The following XKR7 variants were observed in gnomAD, a reference collection of about 807,000 sequenced individuals.
XKR7 encodes XK related 7, also known as XK-related protein 7.
A neutral mutation model predicts 42.2 loss-of-function variants in XKR7; 11 were observed. The ratio of observed to expected loss-of-function variants is 0.26; its 90% CI spans 0.16 to 0.43. The LOEUF is 0.43. Among genes scored for constraint, XKR7 ranks in the 20% least tolerant of loss-of-function variants. The pLI, the probability that XKR7 is intolerant of heterozygous loss-of-function variation, is 1.00. For synonymous variants in XKR7, 346 were observed against 366.4 expected, an observed-to-expected ratio of 0.94 and a Z score of 0.64; for missense variants, 710 against 802.2, an observed-to-expected ratio of 0.89 and a Z score of 1.39.
chr20:31,996,086 T>G (rs1474890298), intron 2 of XKR7, among the ~76,000 whole-genome samples: 1 of 151,728 alleles, frequency 6.6e-6, no homozygotes, highest in African/African-American at 2.4e-5. Context: ...CTCCTCCTGG[T>G]GGCCCACGAC....
At position 31,995,039 on chromosome 20, in the gene XKR7, G is replaced by A. The variant is rs913564824; in HGVS notation, c.585-29G>A. 1.3e-6 allele frequency: 2 copies of A among 1,539,608 alleles called. No individual in the cohort carries two copies. Among genetic ancestry groups the A allele is most frequent in the Non-Finnish European group, 8.7e-7 (1 of 1,145,188 alleles). On this transcript the variant is annotated intron_variant, in intron 1 of 2. Coordinates refer to ENST00000562532, the MANE Select transcript of XKR7 (RefSeq NM_001011718.2). The surrounding 1 kb of genome is among the most constrained non-coding windows in gnomAD (Gnocchi z 4.1). ...ACAGAGCGAGAGGAACCAGCGCGCG[G>A]GAGCCTGAGCACCGCGTCCTTCCCG...
At chr20:31,992,647 A>G (rs973068708) in intron 1 of XKR7, among the ~76,000 whole-genome samples, 30 of 152,204 alleles carry the variant, frequency 2.0e-4, no homozygotes, top group Non-Finnish European at 5.9e-5. Context: ...CCTGGCTGCC[A>G]ATCCTGTCAT....
rs144007726 is a variant in XKR7 at position 31,993,111 on chromosome 20, C to CACACACACACAT, written c.585-1952_585-1951insCACACATACACA. Among the ~76,000 whole-genome samples, 135 of 150,686 alleles carry CACACACACACAT rather than the reference C, an allele frequency of 9.0e-4. 1 individual carries two copies. Among genetic ancestry groups the CACACACACACAT allele is most frequent in the Middle Eastern group, 3.4e-3 (1 of 294 alleles). On this transcript the variant is annotated intron_variant, in intron 1 of 2. Transcript: ENST00000562532. ...CTCCACACACACACACACACACACA[C>CACACACACACAT]ACACATACACATACACACACACACC...
At chr20:31,984,662 AAC>A (rs1369682425) in intron 1 of XKR7, among the ~76,000 whole-genome samples, 1 of 152,158 alleles carries the variant, frequency 6.6e-6, no homozygotes, top group African/African-American at 2.4e-5. Flanking sequence ...GTTTTCTCTA[AAC>A]CCATATAATC....
At chr20:31,994,954 C>G (rs62206338) in intron 1 of XKR7, 114 bp from the exon 2 acceptor site, 289,372 of 1,477,580 alleles carry the variant, frequency 0.2, 29,310 homozygotes, top group Middle Eastern at 0.32. Context: ...GCTGAGGAAA[C>G]AGGCTCAGCG....
chr20:31,994,028 G>C (rs374198738), intron 1 of XKR7, among the ~76,000 whole-genome samples: 1 of 152,186 alleles, frequency 6.6e-6, no homozygotes, highest in South Asian at 2.1e-4. Flanking sequence ...AGAAGAGCCG[G>C]AGTTTGTTGG....
In XKR7 at chr20:31,998,621, C is replaced by T. The variant is rs1295095315; in HGVS notation, c.*1164C>T. On this transcript the variant is annotated 3_prime_UTR_variant, in exon 3 of 3. Transcript: ENST00000562532. ...GTGCTCTCATTCTAGACTTCTGGGG[C>T]TCATGGGAGCTCTAGGCCCCTGTTA... 1 of 152,120 alleles carries T rather than the reference C, an allele frequency of 6.6e-6. No homozygotes were observed. The highest frequency in any genetic ancestry group is 1.5e-5 in the Non-Finnish European group (1 of 68,018). The allele number at this position is 152,120 out of a possible 1,614,324, so 9.4% of individuals were successfully genotyped here.
intron 1 of XKR7, among the ~76,000 whole-genome samples, chr20:31,977,716 G>A (rs2064492015): frequency 6.6e-6 from 1 of 152,168 alleles, no homozygotes; most frequent in African/African-American, 2.4e-5. Flanking sequence ...AGGAAGGAGA[G>A]TTGTTCTATG....
At chr20:31,979,722 T>A (rs1313611276) in intron 1 of XKR7, among the ~76,000 whole-genome samples, 1 of 152,126 alleles carries the variant, frequency 6.6e-6, no homozygotes, top group East Asian at 1.9e-4. Flanking sequence ...CTTGGTCCCG[T>A]GATACCTTCA....
intron 1 of XKR7, among the ~76,000 whole-genome samples, chr20:31,969,917 T>C (rs144178402): frequency 6.6e-6 from 1 of 152,332 alleles, no homozygotes; most frequent in African/African-American, 2.4e-5. Flanking sequence ...TCTGCCTAAC[T>C]CAGAAGATTC....
In XKR7 at chr20:31,995,487, G is replaced by A. The variant is rs879473247; in HGVS notation, c.787+217G>A. Among the ~76,000 whole-genome samples, 1 of 151,962 alleles carries A rather than the reference G, an allele frequency of 6.6e-6. No individual in the cohort carries two copies. The highest frequency in any genetic ancestry group is 1.5e-5 in the Non-Finnish European group (1 of 67,948). On this transcript the variant is annotated intron_variant, in intron 2 of 2. Coordinates refer to ENST00000562532, the MANE Select transcript of XKR7 (RefSeq NM_001011718.2). This position sits in a 1 kb window ranked among gnomAD's most constrained non-coding sequence, Gnocchi z 4.1. ...ATGGCCCACTTATACTCAGAGTGAGGAGGGACCTGGCCCCTCCACTCCCTC... is the reference window on the plus strand; with the variant it reads ...ATGGCCCACTTATACTCAGAGTGAGAAGGGACCTGGCCCCTCCACTCCCTC...
Position 31,995,683 on chromosome 20 carries a change from G to C in XKR7, c.787+413G>C, listed in dbSNP as rs566151452. 3.3e-5 allele frequency among the ~76,000 whole-genome samples: 5 copies of C among 150,878 alleles called. 1 individual carries two copies. In the South Asian group the frequency reaches 1.0e-3, roughly 32 times the overall value. ...TCTCCTGGGGACCCCCTGCCTCATA[G>C]ACCTGGCCAATCACCATCAGTTTCC... is the stretch of plus-strand genomic sequence containing the variant. On this transcript the variant is annotated intron_variant, in intron 2 of 2. Transcript: ENST00000562532. This position sits in a 1 kb window ranked among gnomAD's most constrained non-coding sequence, Gnocchi z 4.1.
intron 1 of XKR7, among the ~76,000 whole-genome samples, chr20:31,978,183 C>G (rs1465460259): frequency 1.3e-5 from 2 of 152,004 alleles, no homozygotes; most frequent in Admixed American, 6.6e-5. Context: ...TCAGTTCACT[C>G]TAGCCTCCGC....
intron 1 of XKR7, among the ~76,000 whole-genome samples, chr20:31,992,906 G>A (rs2064575782): frequency 6.6e-6 from 1 of 152,076 alleles, no homozygotes. Context: ...GTATCAGCTG[G>A]CCCCACATCC....
At chr20:31,990,443 A>G (rs1333656057) in intron 1 of XKR7, among the ~76,000 whole-genome samples, 1 of 152,194 alleles carries the variant, frequency 6.6e-6, no homozygotes, top group Non-Finnish European at 1.5e-5. Flanking sequence ...TCAAACCCAC[A>G]TGCCAGCCAT....
chr20:32,002,899 A>C lies in XKR7; in HGVS notation c.*5442A>C, dbSNP rs1162225174. ...CAATGGTTTAGACATCCAGCATCCTATTTTACTGAAGGGGCAAGCCCAGAG... is the reference window on the plus strand; with the variant it reads ...CAATGGTTTAGACATCCAGCATCCTCTTTTACTGAAGGGGCAAGCCCAGAG... On this transcript the variant is annotated 3_prime_UTR_variant, in exon 3 of 3. Transcript: ENST00000562532. 6.6e-6 allele frequency: 1 copy of C among 152,108 alleles called. No homozygotes were observed. Among genetic ancestry groups the C allele is most frequent in the Non-Finnish European group, 1.5e-5 (1 of 68,012 alleles). The allele number at this position is 152,108 out of a possible 1,614,324, so 9.4% of individuals were successfully genotyped here. A position where few individuals can be genotyped will look rare whatever the true frequency, so the allele number is the denominator to read the frequency against.
In XKR7 at chr20:31,995,289, C is replaced by A; in HGVS notation, c.787+19C>A. The A allele has an allele frequency of 6.5e-7, 1 of 1,533,500 alleles. No individual in the cohort carries two copies. Among genetic ancestry groups the A allele is most frequent in the Non-Finnish European group, 8.7e-7 (1 of 1,145,994 alleles). 95.0% of individuals were successfully genotyped at this position (1,533,500 alleles called of 1,614,324 possible). A position where few individuals can be genotyped will look rare whatever the true frequency, so the allele number is the denominator to read the frequency against. ...CTGCCGGGTGAGCCCGCCCCTTCAC[C>A]CTCTGCGCCTGGGACCACCCCACCG... is the stretch of plus-strand genomic sequence containing the variant. On this transcript the variant is annotated intron_variant, in intron 2 of 2. Transcript: ENST00000562532. The surrounding 1 kb of genome is among the most constrained non-coding windows in gnomAD (Gnocchi z 4.1).
chr20:31,992,116 TCAAAACAAAA>T (rs60216803), intron 1 of XKR7, among the ~76,000 whole-genome samples: 2 of 151,944 alleles, frequency 1.3e-5, no homozygotes, highest in South Asian at 2.1e-4. Flanking sequence ...AAACTCTGTC[TCAAAACAAAA>T]CAAAACAAAA....
Position 31,995,160 on chromosome 20 carries a change from C to T in XKR7, c.677C>T (p.Ala226Val), listed in dbSNP as rs754489787. Residue 226 changes from alanine to valine, a missense_variant, in exon 2 of 3, where the codon GCC becomes GTC. Transcript: ENST00000562532. This position sits in a 1 kb window ranked among gnomAD's most constrained non-coding sequence, Gnocchi z 4.1. The stretch of plus-strand genomic sequence containing the variant: ...TACTGGCAGATGCTGTTCGAGAGCG[C>T]CGACGTGAGCATGCTGCGCTTGCTG... ...HFYWQMLFES[A>V]DVSMLRLLET... The T allele has an allele frequency of 1.3e-6, 2 of 1,553,964 alleles. No homozygotes were observed. Among genetic ancestry groups the T allele is most frequent in the Non-Finnish European group, 1.7e-6 (2 of 1,149,012 alleles).
Sources: gnomAD v4.1 joint callset for allele counts (sites outside exome capture counted in the v4.1 genomes callset) on GRCh38, gnomAD v4.1.1 for gene constraint, Gnocchi (gnomAD v3.1) non-coding constraint, MANE v1.5 for transcripts, NCBI Gene and HGNC (gene_info 2026-07-23, HGNC 2026-07-21) for gene names.